The following RGS7 variants were observed in gnomAD, a reference collection of about 807,000 sequenced individuals.
RGS7 encodes regulator of G-protein signaling 7.
In RGS7, 27 loss-of-function variants were observed where a neutral mutation model predicts 81.1. The ratio of observed to expected loss-of-function variants is 0.33; its 90% CI spans 0.25 to 0.46. The LOEUF (loss-of-function observed/expected upper bound fraction) is 0.46. RGS7 is among the 20% of genes least tolerant of loss of function. The pLI, the probability that RGS7 is intolerant of heterozygous loss-of-function variation, is 1.00. For synonymous variants in RGS7, 208 were observed against 207.7 expected, an observed-to-expected ratio of 1.00 and a Z score of -0.01; for missense variants, 396 against 607.4, an observed-to-expected ratio of 0.65 and a Z score of 3.66.
intron 3 of RGS7, among the ~76,000 whole-genome samples, chr1:240,987,994 A>G (rs756435563): frequency 7.2e-5 from 11 of 152,292 alleles, no homozygotes; most frequent in Non-Finnish European, 1.0e-4. Context: ...TTGGCTGAGG[A>G]TCTGCACTTT....
At chr1:241,025,664 T>C (rs1269414241) in intron 3 of RGS7, among the ~76,000 whole-genome samples, 1 of 151,166 alleles carries the variant, frequency 6.6e-6, no homozygotes, top group East Asian at 1.9e-4. Flanking sequence ...ACCACAGAGA[T>C]GAAACATGTA....
chr1:240,984,991 C>A (rs1047602074), intron 3 of RGS7, among the ~76,000 whole-genome samples: 5 of 152,170 alleles, frequency 3.3e-5, no homozygotes, highest in African/African-American at 1.2e-4. Context: ...TTTGGGAAGA[C>A]AGACTCATCC....
In RGS7 at chr1:241,166,920, G is replaced by A. The variant is rs147223024; in HGVS notation, c.79-68158C>T. The stretch of plus-strand genomic sequence containing the variant: ...AAACCCCATATTCTCTACTGCCAGC[G>A]ATGGGAATCTGTTATTCTTGACCAG... On this transcript the variant is annotated intron_variant, in intron 2 of 18. Coordinates refer to ENST00000440928, the MANE Select transcript of RGS7 (RefSeq NM_001364886.1). Among the ~76,000 whole-genome samples the A allele has an allele frequency of 7.6e-3, 1,164 of 152,282 alleles. 14 individuals carry two copies. Among genetic ancestry groups the A allele is most frequent in the African/African-American group, 0.026 (1,067 of 41,558 alleles).
At chr1:241,327,080 GAGAAAGAAAGAA>G (rs75083243) in intron 2 of RGS7, among the ~76,000 whole-genome samples, 3,191 of 49,096 alleles carry the variant, frequency 0.065, 111 homozygotes, top group African/African-American at 0.073. Flanking sequence ...AAGGAAGGAA[GAGAAAGAAAGAA>G]AGAAAGAAAG....
At chr1:240,777,695 C>T (rs61832370) in intron 18 of RGS7, among the ~76,000 whole-genome samples, 84,621 of 152,022 alleles carry the variant, frequency 0.56, 24,959 homozygotes, top group Non-Finnish European at 0.66. Context: ...TGAGGGCCTT[C>T]TCCTTGGTTC....
chr1:240,933,021 C>T (rs1027411168), intron 5 of RGS7, among the ~76,000 whole-genome samples: 6 of 148,834 alleles, frequency 4.0e-5, no homozygotes, highest in Admixed American at 1.3e-4. Flanking sequence ...GTAGCTGGGA[C>T]TACAGGCGCC....
chr1:241,079,073 T>G (rs1181970791), intron 3 of RGS7, among the ~76,000 whole-genome samples: 1 of 152,214 alleles, frequency 6.6e-6, no homozygotes, highest in Non-Finnish European at 1.5e-5. Context: ...ATTTCCTGGC[T>G]CTTCATCCTG....
chr1:240,883,409 T>C lies in RGS7; in HGVS notation c.386-13290A>G, dbSNP rs1572580248. 3.9e-5 allele frequency among the ~76,000 whole-genome samples: 6 copies of C among 152,220 alleles called. No individual in the cohort carries two copies. In the South Asian group the frequency reaches 1.2e-3, roughly 32 times the overall value. ...AAAGGTGTGGCTGCTTTTCTCACGTTCATGCGTTTTGGCAACTTGTAGTTC... is the reference window on the plus strand; with the variant it reads ...AAAGGTGTGGCTGCTTTTCTCACGTCCATGCGTTTTGGCAACTTGTAGTTC... On this transcript the variant is annotated intron_variant, in intron 6 of 18. Transcript: ENST00000440928.
intron 9 of RGS7, among the ~76,000 whole-genome samples, chr1:240,830,754 A>C (rs1572305303): frequency 6.6e-6 from 1 of 152,318 alleles, no homozygotes; most frequent in South Asian, 2.1e-4. Flanking sequence ...CCTTCCATAA[A>C]GAGCTAGGAT....
At position 240,801,515 on chromosome 1, in the gene RGS7, T is replaced by A; in HGVS notation, c.1360-7A>T. On this transcript the variant is annotated splice_region_variant and splice_polypyrimidine_tract_variant and intron_variant, in intron 16 of 18. Transcript: ENST00000440928. ...GATCCATTGAGTTTCCAGACTTACG[T>A]ATGTGGGGTAGGATAGGATGAAGGG... is the stretch of plus-strand genomic sequence containing the variant. 6.3e-7 allele frequency: 1 copy of A among 1,594,734 alleles called. No individual in the cohort carries two copies. Among genetic ancestry groups the A allele is most frequent in the African/African-American group, 1.3e-5 (1 of 74,386 alleles).
intron 3 of RGS7, among the ~76,000 whole-genome samples, chr1:240,999,234 ATATTAT>A (rs145501494): frequency 1.3e-5 from 2 of 151,382 alleles, no homozygotes; most frequent in Admixed American, 6.6e-5. Context: ...TGCTTAAAGC[ATATTAT>A]TATTATTATT....
chr1:240,804,919 G>A (rs1389844126), intron 15 of RGS7, among the ~76,000 whole-genome samples: 1 of 152,178 alleles, frequency 6.6e-6, no homozygotes, highest in East Asian at 1.9e-4. Context: ...TATAGAGAGT[G>A]GAAATAAGGA....
intron 2 of RGS7, among the ~76,000 whole-genome samples, chr1:241,300,944 T>G (rs1367411704): frequency 6.6e-6 from 1 of 152,262 alleles, no homozygotes; most frequent in Non-Finnish European, 1.5e-5. Flanking sequence ...GTTTTGGAGT[T>G]TGGCCATTCT....
At chr1:241,162,852 G>A (rs1337874751) in intron 2 of RGS7, among the ~76,000 whole-genome samples, 1 of 152,150 alleles carries the variant, frequency 6.6e-6, no homozygotes, top group Non-Finnish European at 1.5e-5. Context: ...AATACAAGAG[G>A]AGAATTTGAA....
intron 6 of RGS7, among the ~76,000 whole-genome samples, chr1:240,895,394 G>C (rs145070931): frequency 6.6e-6 from 1 of 151,628 alleles, no homozygotes; most frequent in African/African-American, 2.4e-5. Flanking sequence ...ACCCATTAAC[G>C]TGTCATTTAC....
At chr1:240,969,459 G>A (rs1430443215) in intron 4 of RGS7, among the ~76,000 whole-genome samples, 5 of 152,140 alleles carry the variant, frequency 3.3e-5, no homozygotes, top group Non-Finnish European at 7.4e-5. Context: ...AATAGGAGAT[G>A]TTCCTGTGTG....
chr1:241,093,657 C>G (rs1476141803), intron 3 of RGS7, among the ~76,000 whole-genome samples: 4 of 151,940 alleles, frequency 2.6e-5, no homozygotes, highest in Non-Finnish European at 4.4e-5. Flanking sequence ...AAAATAAAAA[C>G]AAAAATTATA....
At chr1:241,299,935 CAAAAAA>C (rs35939099) in intron 2 of RGS7, among the ~76,000 whole-genome samples, 9 of 58,078 alleles carry the variant, frequency 1.5e-4, no homozygotes, top group African/African-American at 4.7e-4. Context: ...CTCGTTTCTC[CAAAAAA>C]AAAAAAAAAA....
At chr1:241,221,004 AGAAAGG>A (rs1558203468) in intron 2 of RGS7, among the ~76,000 whole-genome samples, 841 of 78,204 alleles carry the variant, frequency 0.011, 3 homozygotes, top group East Asian at 0.055. Context: ...GAAGAGAGAG[AGAAAGG>A]AAGGAAGGAA....
Sources: allele counts gnomAD v4.1 joint callset (sites outside exome capture counted in the v4.1 genomes callset), GRCh38; gene constraint gnomAD v4.1.1; transcripts MANE v1.5; gene names NCBI Gene and HGNC (gene_info 2026-07-23, HGNC 2026-07-21).